The following KIF21A variants were observed in gnomAD, a reference collection of about 807,000 sequenced individuals.
The protein encoded by KIF21A is kinesin family member 21A, also known as kinesin-like protein KIF21A.
KIF21A carries 114 observed loss-of-function variants against 202.9 expected under a neutral mutation model. That is an observed-to-expected ratio of 0.56 (90% CI 0.48 to 0.66). KIF21A has a LOEUF of 0.66. KIF21A is among the 30% of genes least tolerant of loss of function. The pLI, the probability that KIF21A is intolerant of heterozygous loss-of-function variation, is 0.00. For synonymous variants in KIF21A, 667 were observed against 670.8 expected (o/e 0.99, Z 0.09); for missense variants, 1,677 against 1,994.9 (o/e 0.84, Z 3.04).
At chr12:39,366,571 C>T in intron 5 of KIF21A, 54 bp from the exon 6 acceptor site, 5 of 1,314,124 alleles carry the variant, frequency 3.8e-6, no homozygotes, top group African/African-American at 1.5e-5. Flanking sequence ...ATTAAATATC[C>T]TCCTAACCTA....
chr12:39,439,595 C>T (rs1939284105), intron 1 of KIF21A, among the ~76,000 whole-genome samples: 1 of 152,030 alleles, frequency 6.6e-6, no homozygotes. Flanking sequence ...GGATGAAGGA[C>T]CAGTTTTTAA....
chr12:39,321,732 T>C (rs1945285078), intron 27 of KIF21A: 1 of 152,226 alleles, frequency 6.6e-6, no homozygotes, highest in African/African-American at 2.4e-5. Flanking sequence ...AAGTTTGTTA[T>C]TTTGTATTAT....
At chr12:39,368,056 T>G (rs776383943) in intron 3 of KIF21A, 24 bp from the exon 4 acceptor site, 1 of 1,460,990 alleles carries the variant, frequency 6.8e-7, no homozygotes, top group African/African-American at 1.4e-5. Context: ...ATTAGAAATC[T>G]AATTTTAGCA....
intron 1 of KIF21A, among the ~76,000 whole-genome samples, chr12:39,416,061 C>A (rs1953554200): frequency 6.6e-6 from 1 of 152,054 alleles, no homozygotes; most frequent in African/African-American, 2.4e-5. Context: ...TGATATAAGG[C>A]ATGGCCAAAA....
intron 1 of KIF21A, among the ~76,000 whole-genome samples, chr12:39,379,757 A>T (rs1950494727): frequency 6.6e-6 from 1 of 152,138 alleles, no homozygotes; most frequent in Non-Finnish European, 1.5e-5. Context: ...AGCTCCTATT[A>T]AGCAGCCACT....
intron 11 of KIF21A, among the ~76,000 whole-genome samples, chr12:39,348,609 C>A (rs886544792): frequency 3.6e-4 from 55 of 151,862 alleles, no homozygotes; most frequent in Admixed American, 3.4e-3. Context: ...CCACTCCAAC[C>A]AAAAATCTAC....
intron 1 of KIF21A, among the ~76,000 whole-genome samples, chr12:39,399,749 C>A (rs1387410587): frequency 6.6e-6 from 1 of 152,192 alleles, no homozygotes; most frequent in Admixed American, 6.5e-5. Context: ...CCCTAGGCAT[C>A]TTCCATGTGA....
chr12:39,370,425 A>C (rs1949876151), intron 1 of KIF21A, among the ~76,000 whole-genome samples, 164 bp from the exon 2 acceptor site: 1 of 152,176 alleles, frequency 6.6e-6, no homozygotes, highest in Non-Finnish European at 1.5e-5. Context: ...ATAATGAATC[A>C]ATTTCAGTAC....
intron 1 of KIF21A, among the ~76,000 whole-genome samples, chr12:39,404,352 G>C (rs1275737917): frequency 2.0e-5 from 3 of 152,166 alleles, no homozygotes; most frequent in Non-Finnish European, 4.4e-5. Context: ...TAACAAATAA[G>C]ATGAGAAAAT....
At chr12:39,431,002 T>C (rs2140351468) in intron 1 of KIF21A, among the ~76,000 whole-genome samples, 1 of 152,260 alleles carries the variant, frequency 6.6e-6, no homozygotes, top group Non-Finnish European at 1.5e-5. Flanking sequence ...GTATAAGTCG[T>C]CCCTGTTGGT....
chr12:39,442,646 C>A lies in KIF21A; in HGVS notation c.44+281G>T, dbSNP rs1035954285. Among the ~76,000 whole-genome samples the A allele has an allele frequency of 2.0e-5, 3 of 152,176 alleles. No individual in the cohort carries two copies. Among genetic ancestry groups the A allele is most frequent in the African/African-American group, 7.2e-5 (3 of 41,456 alleles). On this transcript the variant is annotated intron_variant, in intron 1 of 37. Coordinates refer to ENST00000361418, the MANE Select transcript of KIF21A (RefSeq NM_001173464.2). This position sits in a 1 kb window ranked among gnomAD's most constrained non-coding sequence, Gnocchi z 5.0. The stretch of plus-strand genomic sequence containing the variant: ...CGGAGGGGAGTGACGAGGGCTTTTC[C>A]CCCAGAGAAGTCAAGACGCCCCCCA...
At chr12:39,415,813 T>C (rs906587941) in intron 1 of KIF21A, among the ~76,000 whole-genome samples, 1 of 152,212 alleles carries the variant, frequency 6.6e-6, no homozygotes, top group African/African-American at 2.4e-5. Context: ...CTGCTTTCTA[T>C]TTCTGAAACA....
At position 39,355,707 on chromosome 12, in the gene KIF21A, TTATATATATATA is replaced by T. The variant is rs10580436; in HGVS notation, c.1469+1113_1469+1124del. Among the ~76,000 whole-genome samples the T allele has an allele frequency of 1.2e-3, 126 of 101,230 alleles. 6 individuals carry two copies. Among genetic ancestry groups the T allele is most frequent in the African/African-American group, 5.6e-3 (116 of 20,630 alleles). The allele number at this position is 101,230 out of a possible 152,430, so 66.4% of individuals were successfully genotyped here. Reference sequence around the variant, plus strand: ...TACCAAAAACATGAAGCATGAACAATTATATATATATATATATATATATATATGTTATATGCA... The same window carrying T: ...TACCAAAAACATGAAGCATGAACAATTATATATATATATATGTTATATGCA... On this transcript the variant is annotated intron_variant, in intron 10 of 37. Transcript: ENST00000361418.
rs1426544549 is a variant in KIF21A, at chr12:39,369,921, A to G, written c.268-10T>C. 4 of 1,611,744 alleles carry G rather than the reference A, an allele frequency of 2.5e-6. No individual in the cohort carries two copies. The highest frequency in any genetic ancestry group is 3.4e-6 in the Non-Finnish European group (4 of 1,178,186). On this transcript the variant is annotated splice_polypyrimidine_tract_variant and intron_variant, in intron 2 of 37. Coordinates refer to ENST00000361418, the MANE Select transcript of KIF21A (RefSeq NM_001173464.2). ...TTTTACCAGCTCCAGTCTAAACAAA[A>G]GAACAGAGAAAGATTAGTGTTCAAC...
In KIF21A at chr12:39,322,793, C is replaced by A. The variant is rs962843455; in HGVS notation, c.3546G>T (p.Leu1182Phe). ...CTGCAACAGGTGTGAGAGGGCCAGGCAAGGAGGCATCTCCTGTACTAGTGT... is the reference window on the plus strand; with the variant it reads ...CTGCAACAGGTGTGAGAGGGCCAGGAAAGGAGGCATCTCCTGTACTAGTGT... ...ASDTSTGDAS[L>F]PGPLTPVAEG... is the part of the protein sequence containing the mutation. The change falls in exon 27 of 38, where the codon TTG becomes TTT. Residue 1182 changes from leucine (L) to phenylalanine (F), a missense_variant. Leu to Phe is a conservative substitution (Grantham distance 22). Coordinates refer to ENST00000361418, the MANE Select transcript of KIF21A (RefSeq NM_001173464.2). The A allele has an allele frequency of 3.7e-6, 6 of 1,613,910 alleles. No homozygotes were observed. Among genetic ancestry groups the A allele is most frequent in the African/African-American group, 1.3e-5 (1 of 74,880 alleles).
chr12:39,353,122 C>A (rs1239948084), intron 10 of KIF21A, among the ~76,000 whole-genome samples: 2 of 152,104 alleles, frequency 1.3e-5, no homozygotes, highest in African/African-American at 2.4e-5. Flanking sequence ...AGATTATTTG[C>A]AACACTAAGC....
intron 6 of KIF21A, among the ~76,000 whole-genome samples, chr12:39,363,824 C>G (rs1949416004): frequency 6.6e-6 from 1 of 152,118 alleles, no homozygotes; most frequent in Non-Finnish European, 1.5e-5. Context: ...TTGAGACCAA[C>G]CCGACCAACA....
At chr12:39,310,350 T>C (rs1270118251) in intron 32 of KIF21A, among the ~76,000 whole-genome samples, 1 of 152,064 alleles carries the variant, frequency 6.6e-6, no homozygotes. Flanking sequence ...GTTTTTTTAA[T>C]TGGAGAATTT....
chr12:39,419,534 A>T (rs1954068026), intron 1 of KIF21A, among the ~76,000 whole-genome samples: 1 of 152,222 alleles, frequency 6.6e-6, no homozygotes, highest in Non-Finnish European at 1.5e-5. Context: ...ACTCGCATTT[A>T]CGTCAAGATA....
Sources: allele counts gnomAD v4.1 joint callset (sites outside exome capture counted in the v4.1 genomes callset), GRCh38; gene constraint gnomAD v4.1.1; non-coding constraint Gnocchi (gnomAD v3.1); transcripts MANE v1.5; gene names NCBI Gene and HGNC (gene_info 2026-07-23, HGNC 2026-07-21).